The following CHST8 variants were observed in gnomAD, a reference collection of about 807,000 sequenced individuals.
The protein encoded by CHST8 is carbohydrate sulfotransferase 8.
Under a neutral mutation model 15.0 loss-of-function variants are expected in CHST8, and 10 were observed. The observed-to-expected ratio is 0.67, with a 90% CI of 0.41 to 1.13. The LOEUF is 1.13. Among genes scored for constraint, CHST8 ranks in the 50% most tolerant of loss-of-function variants. The pLI is 0.00. For synonymous variants in CHST8, 259 were observed against 256.6 expected, an observed-to-expected ratio of 1.01 and a Z score of -0.09; for missense variants, 634 against 608.2, an observed-to-expected ratio of 1.04 and a Z score of -0.45.
At chr19:33,701,775 A>C (rs1042835324) in intron 3 of CHST8, among the ~76,000 whole-genome samples, 9 of 152,254 alleles carry the variant, frequency 5.9e-5, no homozygotes, top group African/African-American at 2.2e-4. Flanking sequence ...GGCACGTGGT[A>C]CTCATTCTAT....
chr19:33,749,046 C>A (rs1396924390), intron 3 of CHST8, among the ~76,000 whole-genome samples: 3 of 152,132 alleles, frequency 2.0e-5, no homozygotes, highest in Non-Finnish European at 2.9e-5. Context: ...GCCAGAGGGA[C>A]AGCAGCAAGG....
At chr19:33,706,873 A>G (rs1973457364) in intron 3 of CHST8, among the ~76,000 whole-genome samples, 1 of 152,218 alleles carries the variant, frequency 6.6e-6, no homozygotes. Context: ...CTGGGGAGTG[A>G]AAAGGACAGG....
chr19:33,730,510 C>T (rs958680036), intron 3 of CHST8, among the ~76,000 whole-genome samples: 1 of 152,214 alleles, frequency 6.6e-6, no homozygotes, highest in African/African-American at 2.4e-5. Flanking sequence ...TTTCGAGAGT[C>T]TGGCTTATGC....
At chr19:33,630,087 AC>A (rs1339830148) in intron 1 of CHST8, among the ~76,000 whole-genome samples, 4 of 152,006 alleles carry the variant, frequency 2.6e-5, no homozygotes, top group Non-Finnish European at 4.4e-5. Flanking sequence ...TTGGGACAAG[AC>A]TCATCAGCCT....
rs764745128 is a variant in CHST8 at position 33,772,610 on chromosome 19, C to A, written c.822C>A (p.His274Gln). The A allele has an allele frequency of 1.9e-6, 3 of 1,614,076 alleles. No individual in the cohort carries two copies. Among genetic ancestry groups the A allele is most frequent in the Middle Eastern group, 1.6e-4 (1 of 6,062 alleles). Reference protein sequence around the residue: ...LVSAFRDKFEHPNSYYHPVFG... With the variant: ...LVSAFRDKFEQPNSYYHPVFG... ...CCGCCTTCCGCGACAAGTTTGAGCACCCCAACAGCTACTATCACCCGGTCT... is the reference window on the plus strand; with the variant it reads ...CCGCCTTCCGCGACAAGTTTGAGCAACCCAACAGCTACTATCACCCGGTCT... The change falls in exon 5 of 5, where the codon CAC becomes CAA. Residue 274 changes from histidine (H) to glutamine (Q), a missense_variant. His to Gln is a conservative substitution (Grantham distance 24). Transcript: ENST00000650847.
intron 3 of CHST8, among the ~76,000 whole-genome samples, chr19:33,723,558 G>A (rs1973840250): frequency 6.6e-6 from 1 of 152,190 alleles, no homozygotes; most frequent in Admixed American, 6.5e-5. Flanking sequence ...GAGAGGAGTG[G>A]TGGCTGGAAC....
chr19:33,731,707 C>A (rs1973996767), intron 3 of CHST8, among the ~76,000 whole-genome samples: 1 of 152,160 alleles, frequency 6.6e-6, no homozygotes, highest in African/African-American at 2.4e-5. Flanking sequence ...AGTTCAAACG[C>A]CTTTGACAGA....
At chr19:33,675,863 C>T (rs532642848) in intron 2 of CHST8, among the ~76,000 whole-genome samples, 19 of 152,326 alleles carry the variant, frequency 1.2e-4, no homozygotes, top group African/African-American at 3.6e-4. Flanking sequence ...GTCCTTGAAC[C>T]GGGAAGCATT....
At position 33,772,172 on chromosome 19, in the gene CHST8, C is replaced by T; in HGVS notation, c.384C>T (p.Asn128=). 1 of 1,599,230 alleles carries T rather than the reference C, an allele frequency of 6.3e-7. No individual in the cohort carries two copies. Among genetic ancestry groups the T allele is most frequent in the Non-Finnish European group, 8.5e-7 (1 of 1,174,540 alleles). The change falls in exon 5 of 5, where the codon AAC becomes AAT. Residue 128 remains asparagine (N), a synonymous_variant. Coordinates refer to ENST00000650847, the MANE Select transcript of CHST8 (RefSeq NM_001127895.2). ...KMPAAATIPA[N]SSDAPFIRPG... ...CAGCTGCGGCGACCATCCCGGCCAA[C>T]AGCTCGGACGCGCCCTTCATCCGGC...
intron 1 of CHST8, among the ~76,000 whole-genome samples, chr19:33,643,964 G>A (rs775452322): frequency 9.2e-5 from 14 of 151,740 alleles, no homozygotes; most frequent in East Asian, 1.9e-4. Flanking sequence ...ACGGAGTCTC[G>A]CTCTGTCACC....
chr19:33,702,317 C>G (rs1290075897), intron 3 of CHST8, among the ~76,000 whole-genome samples: 1 of 151,992 alleles, frequency 6.6e-6, no homozygotes, highest in African/African-American at 2.4e-5. Flanking sequence ...GGGTCTTGCT[C>G]TGTCACCCAG....
chr19:33,652,347 A>G (rs1600238271), intron 1 of CHST8, among the ~76,000 whole-genome samples: 1 of 125,172 alleles, frequency 8.0e-6, no homozygotes, highest in African/African-American at 2.9e-5. Context: ...TTTTGTGGTT[A>G]CTGGTTTATT....
intron 3 of CHST8, among the ~76,000 whole-genome samples, chr19:33,695,821 C>CTTTTTTTTTTTTTTTT (rs55695414): frequency 2.9e-4 from 22 of 76,230 alleles, no homozygotes; most frequent in East Asian, 4.0e-4. Context: ...TTCTTTCTTT[C>CTTTTTTTTTTTTTTTT]TTTTTTTTTT....
intron 1 of CHST8, among the ~76,000 whole-genome samples, chr19:33,643,597 T>C (rs1972312084): frequency 6.6e-6 from 1 of 152,232 alleles, no homozygotes; most frequent in South Asian, 2.1e-4. Flanking sequence ...TTGCTGATTT[T>C]TAAATGCCAC....
chr19:33,702,732 GTC>G (rs1403739391), intron 3 of CHST8, among the ~76,000 whole-genome samples: 3 of 152,382 alleles, frequency 2.0e-5, no homozygotes, highest in Admixed American at 1.3e-4. Flanking sequence ...TGCCGTGTGA[GTC>G]ACAGCCCAGA....
intron 3 of CHST8, among the ~76,000 whole-genome samples, chr19:33,742,144 G>C (rs568992264): frequency 6.6e-6 from 1 of 152,300 alleles, no homozygotes; most frequent in East Asian, 1.9e-4. Flanking sequence ...GGTCCTGTTG[G>C]GGAAAGACTG....
chr19:33,715,999 C>T (rs145271169), intron 3 of CHST8, among the ~76,000 whole-genome samples: 67 of 152,338 alleles, frequency 4.4e-4, no homozygotes, highest in African/African-American at 1.3e-3. Flanking sequence ...TGTCACCCAA[C>T]GTCTACCAGA....
At chr19:33,697,094 C>T (rs1003833180) in intron 3 of CHST8, among the ~76,000 whole-genome samples, 1 of 152,230 alleles carries the variant, frequency 6.6e-6, no homozygotes, top group East Asian at 1.9e-4. Flanking sequence ...CCACCTGCCT[C>T]AGCCTCCCAA....
chr19:33,699,674 G>A lies in CHST8; in HGVS notation c.130+10283G>A, dbSNP rs146668851. 3.6e-3 allele frequency among the ~76,000 whole-genome samples: 552 copies of A among 152,240 alleles called. 4 individuals carry two copies. The highest frequency in any genetic ancestry group is 0.013 in the African/African-American group (531 of 41,538). ...AATGCCCGCGGGTCTGCCTGATGCC[G>A]GGGCTCTTGTTTTGATGTCCTGGAG... On this transcript the variant is annotated intron_variant, in intron 3 of 4. Coordinates refer to ENST00000650847, the MANE Select transcript of CHST8 (RefSeq NM_001127895.2).
Sources: allele counts gnomAD v4.1 joint callset (sites outside exome capture counted in the v4.1 genomes callset), GRCh38; gene constraint gnomAD v4.1.1; transcripts MANE v1.5; gene names NCBI Gene and HGNC (gene_info 2026-07-23, HGNC 2026-07-21).